Variants in PISD observed in about 807,000 individuals in gnomAD.
PISD encodes phosphatidylserine decarboxylase proenzyme, mitochondrial.
In PISD, 31 loss-of-function variants were observed where a neutral mutation model predicts 43.5. The observed-to-expected ratio is 0.71, with a 90% CI of 0.54 to 0.96. The LOEUF (loss-of-function observed/expected upper bound fraction) is 0.96. Among genes scored for constraint, PISD ranks in the 40% least tolerant of loss-of-function variants. The pLI, the probability that PISD is intolerant of heterozygous loss-of-function variation, is 0.00. For missense variants in PISD, 523 were observed against 548.4 expected (o/e 0.95, Z 0.46); for synonymous variants, 259 against 228.7 (o/e 1.13, Z -1.20).
At chr22:31,661,848 G>C (rs1452595568) in intron 1 of PISD, among the ~76,000 whole-genome samples, 1 of 152,114 alleles carries the variant, frequency 6.6e-6, no homozygotes, top group Non-Finnish European at 1.5e-5. Context: ...ACATCTGAAA[G>C]CCCTGCCTCG....
At chr22:31,661,995 C>T (rs1380941731) in intron 1 of PISD, 149 bp downstream of exon 1, 1 of 708,522 alleles carries the variant, frequency 1.4e-6, no homozygotes, top group African/African-American at 1.7e-5. Flanking sequence ...GGAGCAGTCG[C>T]ACCTGCTCCT....
chr22:31,637,190 T>G (rs1398410123), intron 3 of PISD, among the ~76,000 whole-genome samples: 2 of 80,666 alleles, frequency 2.5e-5, no homozygotes, highest in African/African-American at 5.4e-5. Flanking sequence ...TATATATATA[T>G]ATATATATAT....
chr22:31,622,023 G>A (rs948488949), intron 3 of PISD, 138 bp from the exon 4 acceptor site: 15 of 665,196 alleles, frequency 2.3e-5, no homozygotes, highest in South Asian at 7.2e-5. Context: ...GGTGCCCCAC[G>A]CTGCTTTTGT....
chr22:31,637,152 AAAAAAAAAAAAAATAT>A (rs1473963557), intron 3 of PISD, among the ~76,000 whole-genome samples: 8 of 30,586 alleles, frequency 2.6e-4, no homozygotes, highest in Non-Finnish European at 4.0e-4. Flanking sequence ...TTAAAAAAAA[AAAAAAAAAAAAAATAT>A]ATATATATAT....
At chr22:31,659,727 G>T (rs1311325265) in intron 1 of PISD, among the ~76,000 whole-genome samples, 1 of 151,994 alleles carries the variant, frequency 6.6e-6, no homozygotes, top group African/African-American at 2.4e-5. Context: ...GAGTAGTTGG[G>T]ACTACAGACA....
intron 3 of PISD, among the ~76,000 whole-genome samples, chr22:31,624,712 GACACACACACACACAC>G (rs55946723): frequency 2.0e-3 from 228 of 111,992 alleles, no homozygotes; most frequent in Middle Eastern, 0.013. Flanking sequence ...AGCAAAGGTG[GACACACACACACACAC>G]ACACACACAC....
chr22:31,635,217 C>T, intron 3 of PISD, among the ~76,000 whole-genome samples: 1 of 148,536 alleles, frequency 6.7e-6, no homozygotes, highest in Non-Finnish European at 1.5e-5. Context: ...AGCCTCCTGG[C>T]AGACAGCTTC....
chr22:31,662,172 G>A lies in PISD; in HGVS notation c.37C>T (p.Leu13=). The change falls in exon 1 of 8, where the codon CTG becomes TTG. Residue 13 remains leucine, a synonymous_variant. Transcript: ENST00000439502. ...TSVGHRCLGL[L]HGVAPWRSSL... is the part of the protein sequence containing the mutation. ...CTCCGCCACGGCGCGACCCCGTGCA[G>A]TAATCCCAGACATCGGTGCCCCACG... 1.9e-6 allele frequency: 3 copies of A among 1,606,752 alleles called. No homozygotes were observed. The highest frequency in any genetic ancestry group is 1.7e-4 in the Middle Eastern group (1 of 6,060).
intron 4 of PISD, 40 bp from the exon 5 acceptor site, chr22:31,621,512 G>T (rs745523796): frequency 3.1e-6 from 5 of 1,612,436 alleles, no homozygotes; most frequent in Non-Finnish European, 2.5e-6. Flanking sequence ...GGAGAGCAGG[G>T]TCTCCTCCCC....
At chr22:31,621,578 G>A (rs755645025) in intron 4 of PISD, 71 bp downstream of exon 4, 2 of 1,593,892 alleles carry the variant, frequency 1.3e-6, no homozygotes, top group East Asian at 2.2e-5. Flanking sequence ...ATACGCTGGA[G>A]ACCAGGGGGG....
In PISD at chr22:31,622,785, T is replaced by C. The variant is rs1603395559; in HGVS notation, c.322-900A>G. 3.3e-5 allele frequency among the ~76,000 whole-genome samples: 5 copies of C among 152,180 alleles called. No individual in the cohort carries two copies. The South Asian group carries it at 1.0e-3, about 31-fold the overall frequency. ...CCCAGAGCTCTCCGGCAGGGCCAGG[T>C]ACCCAGGAAGGGGCAGCCTCTTAAA... On this transcript the variant is annotated intron_variant, in intron 3 of 7. Transcript: ENST00000439502.
chr22:31,627,781 G>A (rs1342736614), intron 3 of PISD, among the ~76,000 whole-genome samples: 1 of 152,192 alleles, frequency 6.6e-6, no homozygotes, highest in African/African-American at 2.4e-5. Flanking sequence ...AACCCAGCTC[G>A]GCCAAAAACC....
intron 1 of PISD, among the ~76,000 whole-genome samples, chr22:31,651,836 G>A (rs182671189): frequency 5.9e-5 from 9 of 152,222 alleles, no homozygotes; most frequent in Admixed American, 5.2e-4. Context: ...ATTCCCAGTG[G>A]CAATAAATGA....
chr22:31,623,533 C>T (rs2072698698), intron 3 of PISD: 2 of 791,872 alleles, frequency 2.5e-6, no homozygotes, highest in Non-Finnish European at 2.0e-6. Context: ...CTTGGCCTTG[C>T]CCACCAATGA....
At chr22:31,626,143 G>A in intron 3 of PISD, 1 of 862,424 alleles carries the variant, frequency 1.2e-6, no homozygotes, top group Non-Finnish European at 1.6e-6. Context: ...CTCTGTCCCT[G>A]CTACCCAGGG....
intron 3 of PISD, chr22:31,623,751 A>G: frequency 5.0e-6 from 8 of 1,614,212 alleles, no homozygotes; most frequent in Non-Finnish European, 6.8e-6. Flanking sequence ...GAGGTAGTAG[A>G]GGACGGTCAA....
chr22:31,648,226 G>A lies in PISD; in HGVS notation c.196C>T (p.Pro66Ser). 5.0e-6 allele frequency: 8 copies of A among 1,612,100 alleles called. No homozygotes were observed. Among genetic ancestry groups the A allele is most frequent in the Non-Finnish European group, 5.9e-6 (7 of 1,179,614 alleles). Residue 66 changes from proline (P) to serine (S), a missense_variant, in exon 3 of 8, where the codon CCC (proline) becomes TCC (serine). Physicochemically the swap from Pro to Ser is moderately conservative, Grantham distance 74. Coordinates refer to ENST00000439502, the MANE Select transcript of PISD (RefSeq NM_001326411.2). Reference protein sequence around the residue: ...APARTMFLLRPLPILLVTGGG... With the variant: ...APARTMFLLRSLPILLVTGGG... ...CCTGTCACCAACAGAATGGGCAGGG[G>A]ACGCAGCAGGAACATGGTTCGGGCA...
At chr22:31,624,491 T>G (rs2072766467) in intron 3 of PISD, among the ~76,000 whole-genome samples, 1 of 152,002 alleles carries the variant, frequency 6.6e-6, no homozygotes, top group Non-Finnish European at 1.5e-5. Context: ...AAAGGGAGCA[T>G]TTACACTCCG....
intron 3 of PISD, among the ~76,000 whole-genome samples, chr22:31,643,561 T>A (rs2073798349): frequency 6.6e-6 from 1 of 152,140 alleles, no homozygotes; most frequent in Non-Finnish European, 1.5e-5. Context: ...ATCACACCAC[T>A]ACTCTCCAGC....
Sources: allele counts gnomAD v4.1 joint callset (sites outside exome capture counted in the v4.1 genomes callset), GRCh38; gene constraint gnomAD v4.1.1; transcripts MANE v1.5; gene names NCBI Gene and HGNC (gene_info 2026-07-23, HGNC 2026-07-21).